The following CENPW variants were observed in gnomAD, a reference collection of about 807,000 sequenced individuals.
CENPW encodes the protein centromere protein W, also known as cancer-up-regulated gene 2 protein.
In CENPW, 3 loss-of-function variants were observed where a neutral mutation model predicts 11.1. That is an observed-to-expected ratio of 0.27 (90% CI 0.12 to 0.70). CENPW has a LOEUF of 0.70. Among genes scored for constraint, CENPW ranks in the 30% least tolerant of loss-of-function variants. The pLI, the probability that CENPW is intolerant of heterozygous loss-of-function variation, is 0.77. For missense variants in CENPW, 100 were observed against 105.6 expected (o/e 0.95, Z 0.23); for synonymous variants, 38 against 42.0 (o/e 0.91, Z 0.37).
chr6:126,404,472 G>A, the CENPW span, among the ~76,000 whole-genome samples: 2 of 152,026 alleles, frequency 1.3e-5, no homozygotes, highest in African/African-American at 4.8e-5. Context: ...CAGTAAACAC[G>A]GGAGTGCAGA....
At chr6:126,382,249 A>G in the CENPW span, among the ~76,000 whole-genome samples, 2 of 151,842 alleles carry the variant, frequency 1.3e-5, no homozygotes, top group African/African-American at 4.8e-5. Flanking sequence ...AAAAATATAT[A>G]TATATATACC....
chr6:126,354,333 T>A, the CENPW span, among the ~76,000 whole-genome samples: 1 of 152,120 alleles, frequency 6.6e-6, no homozygotes, highest in Non-Finnish European at 1.5e-5. Flanking sequence ...GAGCTTGCTA[T>A]GTTTTTTTGC....
At chr6:126,414,861 C>T in the CENPW span, among the ~76,000 whole-genome samples, 1 of 151,174 alleles carries the variant, frequency 6.6e-6, no homozygotes, top group Non-Finnish European at 1.5e-5. Flanking sequence ...GATTGACAAT[C>T]TTAGTTTAGG....
chr6:126,366,432 T>A, the CENPW span, among the ~76,000 whole-genome samples: 2 of 152,234 alleles, frequency 1.3e-5, no homozygotes, highest in Non-Finnish European at 2.9e-5. Flanking sequence ...TATTTCAATG[T>A]ATGATTGCAA....
At chr6:126,481,571 A>G in the CENPW span, among the ~76,000 whole-genome samples, 1 of 152,046 alleles carries the variant, frequency 6.6e-6, no homozygotes, top group Non-Finnish European at 1.5e-5. Context: ...CCCTCCAGCA[A>G]TAATTAACCC....
At chr6:126,362,452 C>T in the CENPW span, among the ~76,000 whole-genome samples, 119 of 152,296 alleles carry the variant, frequency 7.8e-4, no homozygotes, top group African/African-American at 2.6e-3. Context: ...GCACCCAATT[C>T]AGTCTCAGTG....
chr6:126,348,956 T>C (rs1243164081), downstream of CENPW: 1 of 152,228 alleles, frequency 6.6e-6, no homozygotes. Flanking sequence ...TACTTTTATA[T>C]TATGCCAGTA....
chr6:126,361,776 A>G, the CENPW span, among the ~76,000 whole-genome samples: 1 of 151,898 alleles, frequency 6.6e-6, no homozygotes, highest in South Asian at 2.1e-4. Context: ...AGGGAGATAG[A>G]CTACACTCTT....
chr6:126,424,988 C>T, the CENPW span, among the ~76,000 whole-genome samples: 1 of 151,866 alleles, frequency 6.6e-6, no homozygotes, highest in Non-Finnish European at 1.5e-5. Flanking sequence ...TATCAAAGAT[C>T]CAAAAAAGGT....
chr6:126,457,724 G>A, the CENPW span, among the ~76,000 whole-genome samples: 2 of 151,236 alleles, frequency 1.3e-5, no homozygotes, highest in East Asian at 1.9e-4. Context: ...TAAAACCACC[G>A]CTTGGTATTG....
chr6:126,432,969 G>A, the CENPW span, among the ~76,000 whole-genome samples: 1 of 152,070 alleles, frequency 6.6e-6, no homozygotes, highest in Non-Finnish European at 1.5e-5. Context: ...AAAACTCTAG[G>A]GGAAGGAGTG....
the CENPW span, among the ~76,000 whole-genome samples, chr6:126,406,550 G>C: frequency 1.3e-5 from 2 of 152,030 alleles, no homozygotes; most frequent in Non-Finnish European, 2.9e-5. Context: ...ATTGGTGTTA[G>C]TTCTCTTTTA....
At chr6:126,384,088 C>T in the CENPW span, among the ~76,000 whole-genome samples, 3 of 151,962 alleles carry the variant, frequency 2.0e-5, no homozygotes, top group Admixed American at 2.0e-4. Context: ...GAATTCAAGA[C>T]GAAGAAAATC....
intron 2 of CENPW, among the ~76,000 whole-genome samples, chr6:126,347,053 T>C (rs1192182751): frequency 6.6e-6 from 1 of 152,208 alleles, no homozygotes; most frequent in Non-Finnish European, 1.5e-5. Context: ...TTTCCAGATA[T>C]GTTCCTGAAA....
At position 126,346,318 on chromosome 6, in the gene CENPW, G is replaced by C; in HGVS notation, c.240G>C (p.Lys80Asn). The C allele has an allele frequency of 6.4e-7, 1 of 1,568,600 alleles. No homozygotes were observed. Among genetic ancestry groups the C allele is most frequent in the Non-Finnish European group, 8.7e-7 (1 of 1,147,700 alleles). The change falls in exon 2 of 3, where the codon AAG becomes AAC. Residue 80 changes from lysine to asparagine, a missense_variant and splice_region_variant. Physicochemically the swap from Lys to Asn is moderately conservative, Grantham distance 94 (BLOSUM62 0). Coordinates refer to ENST00000368328, the MANE Select transcript of CENPW (RefSeq NM_001012507.4). ...AGGAGCATGTACTGGCCGCAGCAAA[G>C]GTAAAATCCAAATTTCTTTTCTCGA... is the stretch of plus-strand genomic sequence containing the variant. ...INKEHVLAAA[K>N]VILKKSRG
the CENPW span, among the ~76,000 whole-genome samples, chr6:126,437,443 C>G: frequency 6.6e-6 from 1 of 152,032 alleles, no homozygotes; most frequent in African/African-American, 2.4e-5. Context: ...TAAGCCAAAT[C>G]AGACAACAAG....
At chr6:126,466,687 C>G in the CENPW span, among the ~76,000 whole-genome samples, 1 of 151,994 alleles carries the variant, frequency 6.6e-6, no homozygotes, top group African/African-American at 2.4e-5. Context: ...AGTCTTTTAT[C>G]CATATTGAGT....
At chr6:126,395,855 C>T in the CENPW span, among the ~76,000 whole-genome samples, 1 of 152,154 alleles carries the variant, frequency 6.6e-6, no homozygotes, top group Non-Finnish European at 1.5e-5. Flanking sequence ...GGCAAAGACT[C>T]TTGTTTTCTT....
At chr6:126,398,581 T>A in the CENPW span, among the ~76,000 whole-genome samples, 1 of 152,152 alleles carries the variant, frequency 6.6e-6, no homozygotes, top group Non-Finnish European at 1.5e-5. Flanking sequence ...CAATGTAAAT[T>A]CTATGGGAAT....
Sources: allele counts gnomAD v4.1 joint callset (sites outside exome capture counted in the v4.1 genomes callset), GRCh38; gene constraint gnomAD v4.1.1; transcripts MANE v1.5; gene names NCBI Gene and HGNC (gene_info 2026-07-23, HGNC 2026-07-21).